Variants in SLC9A2 observed in about 807,000 individuals in gnomAD.
The protein encoded by SLC9A2 is sodium/hydrogen exchanger 2.
A neutral mutation model predicts 71.7 loss-of-function variants in SLC9A2; 42 were observed. The observed-to-expected ratio is 0.59, with a 90% CI of 0.46 to 0.76. SLC9A2 has a LOEUF of 0.76. Ranked by LOEUF, SLC9A2 falls within the 30% of genes least tolerant of loss-of-function variation. The pLI is 0.00. For synonymous variants in SLC9A2, 396 were observed against 392.5 expected (o/e 1.01, Z -0.10); for missense variants, 829 against 1,017.4 (o/e 0.81, Z 2.52).
At chr2:102,626,618 C>T (rs1676254106) in intron 1 of SLC9A2, among the ~76,000 whole-genome samples, 1 of 152,252 alleles carries the variant, frequency 6.6e-6, no homozygotes, top group South Asian at 2.1e-4. Flanking sequence ...AATGAACTAC[C>T]ATCAGAGTGA....
intron 5 of SLC9A2, among the ~76,000 whole-genome samples, chr2:102,685,391 A>C (rs867578670): frequency 1.3e-5 from 2 of 152,274 alleles, no homozygotes; most frequent in Middle Eastern, 6.8e-3. Context: ...GCCATTAGAG[A>C]GTGTCATGCA....
chr2:102,629,440 T>C (rs1437226388), intron 1 of SLC9A2, among the ~76,000 whole-genome samples: 1 of 152,142 alleles, frequency 6.6e-6, no homozygotes, highest in Non-Finnish European at 1.5e-5. Context: ...ACCTATACTA[T>C]CAAATGAGTT....
intron 8 of SLC9A2, 104 bp downstream of exon 8, chr2:102,701,335 G>GC (rs1276414858): frequency 1.4e-5 from 12 of 857,254 alleles, no homozygotes; most frequent in Admixed American, 3.5e-5. Flanking sequence ...TAATTGATCC[G>GC]CCCCCCTCGG....
chr2:102,625,974 T>C (rs551840683), intron 1 of SLC9A2, among the ~76,000 whole-genome samples: 70 of 152,240 alleles, frequency 4.6e-4, no homozygotes, highest in Admixed American at 1.0e-3. Flanking sequence ...ACATCCTCTC[T>C]AGCACCTGTT....
chr2:102,631,748 T>A (rs1471806499), intron 1 of SLC9A2, among the ~76,000 whole-genome samples: 2 of 151,690 alleles, frequency 1.3e-5, no homozygotes, highest in African/African-American at 2.4e-5. Flanking sequence ...ACTTTCCTAG[T>A]TTTCAATCTG....
intron 1 of SLC9A2, among the ~76,000 whole-genome samples, chr2:102,636,794 C>T (rs943563230): frequency 2.6e-5 from 4 of 152,172 alleles, no homozygotes; most frequent in Admixed American, 6.6e-5. Flanking sequence ...AGCACTGGCA[C>T]GCCCTAGTGG....
At chr2:102,695,227 T>G in intron 7 of SLC9A2, 114 bp downstream of exon 7, 1 of 714,140 alleles carries the variant, frequency 1.4e-6, no homozygotes, top group South Asian at 1.9e-5. Context: ...TGTACCATAG[T>G]ATGTCCTCTA....
At chr2:102,698,230 G>A (rs1405198032) in intron 7 of SLC9A2, among the ~76,000 whole-genome samples, 2 of 152,162 alleles carry the variant, frequency 1.3e-5, no homozygotes, top group African/African-American at 2.4e-5. Flanking sequence ...TAGTGTAGTG[G>A]CCAGCCAAAA....
At chr2:102,628,445 A>G (rs973768584) in intron 1 of SLC9A2, among the ~76,000 whole-genome samples, 1 of 152,138 alleles carries the variant, frequency 6.6e-6, no homozygotes, top group Non-Finnish European at 1.5e-5. Context: ...ATGAACTAAA[A>G]TAGGATTATT....
chr2:102,636,121 C>T (rs1048520363), intron 1 of SLC9A2, among the ~76,000 whole-genome samples: 1 of 152,100 alleles, frequency 6.6e-6, no homozygotes, highest in African/African-American at 2.4e-5. Flanking sequence ...TAAGAATCTC[C>T]ATGAATCTTT....
In SLC9A2 at chr2:102,666,194, C is replaced by CTTT. The variant is rs1266703500; in HGVS notation, c.1004+861_1004+863dup. Among the ~76,000 whole-genome samples, 567 of 119,404 alleles carry CTTT rather than the reference C, an allele frequency of 4.7e-3. 25 individuals are homozygous for CTTT. Among genetic ancestry groups the CTTT allele is most frequent in the South Asian group, 0.028 (95 of 3,436 alleles). 78.3% of individuals were successfully genotyped at this position (119,404 alleles called of 152,430 possible). ...TTGTGACCATGCAATTCCAGTTTAG[C>CTTT]TTTTTTTTTTTTTTTTTTTGAGGCG... On this transcript the variant is annotated intron_variant, in intron 3 of 11. Transcript: ENST00000233969.
At chr2:102,655,317 CTA>C in intron 1 of SLC9A2, among the ~76,000 whole-genome samples, 2 of 151,288 alleles carry the variant, frequency 1.3e-5, no homozygotes, top group Non-Finnish European at 2.9e-5. Flanking sequence ...CCACACCCAG[CTA>C]ATTTTTTTAT....
intron 1 of SLC9A2, among the ~76,000 whole-genome samples, chr2:102,621,888 C>G (rs1011878967): frequency 1.3e-5 from 2 of 152,096 alleles, no homozygotes; most frequent in African/African-American, 4.8e-5. Context: ...CCAGAGAGGA[C>G]TGAACAAAGA....
chr2:102,639,899 G>A (rs181109547), intron 1 of SLC9A2, among the ~76,000 whole-genome samples: 9 of 152,304 alleles, frequency 5.9e-5, no homozygotes, highest in African/African-American at 1.7e-4. Context: ...AGAAATGACC[G>A]GTAGTAATAA....
chr2:102,654,559 A>G (rs1255758764), intron 1 of SLC9A2, among the ~76,000 whole-genome samples: 2 of 152,354 alleles, frequency 1.3e-5, no homozygotes, highest in East Asian at 3.9e-4. Flanking sequence ...CAAAATGTTT[A>G]GTGCTATGGG....
At chr2:102,647,946 T>C (rs926759354) in intron 1 of SLC9A2, among the ~76,000 whole-genome samples, 2 of 152,140 alleles carry the variant, frequency 1.3e-5, no homozygotes, top group Non-Finnish European at 2.9e-5. Context: ...CTTCTGAAAT[T>C]ATTCCAAACA....
intron 3 of SLC9A2, among the ~76,000 whole-genome samples, chr2:102,680,108 A>T (rs1346149055): frequency 6.6e-6 from 1 of 152,230 alleles, no homozygotes; most frequent in Admixed American, 6.5e-5. Flanking sequence ...GAATTAAAAA[A>T]TATATGTCCA....
At chr2:102,685,312 G>C (rs1677528037) in intron 5 of SLC9A2, among the ~76,000 whole-genome samples, 1 of 152,156 alleles carries the variant, frequency 6.6e-6, no homozygotes, top group Non-Finnish European at 1.5e-5. Context: ...GCAGGGTCTG[G>C]AGTCCTACAT....
At chr2:102,675,347 G>A (rs1157484919) in intron 3 of SLC9A2, among the ~76,000 whole-genome samples, 1 of 152,176 alleles carries the variant, frequency 6.6e-6, no homozygotes. Context: ...GACCTGTTGT[G>A]TGCTATAGGC....
Sources: allele counts gnomAD v4.1 joint callset (sites outside exome capture counted in the v4.1 genomes callset), GRCh38; gene constraint gnomAD v4.1.1; transcripts MANE v1.5; gene names NCBI Gene and HGNC (gene_info 2026-07-23, HGNC 2026-07-21).